Variants in NOL10 observed in about 807,000 individuals in gnomAD.
NOL10 encodes nucleolar protein 10.
In NOL10, 58 loss-of-function variants were observed where a neutral mutation model predicts 103.5. The ratio of observed to expected loss-of-function variants is 0.56; its 90% CI spans 0.45 to 0.70. The LOEUF (loss-of-function observed/expected upper bound fraction) is 0.70. Ranked by LOEUF, NOL10 falls within the 30% of genes least tolerant of loss-of-function variation. The pLI, the probability that NOL10 is intolerant of heterozygous loss-of-function variation, is 0.00. For synonymous variants in NOL10, 287 were observed against 282.5 expected (o/e 1.02, Z -0.16); for missense variants, 763 against 807.3 (o/e 0.95, Z 0.67).
intron 13 of NOL10, among the ~76,000 whole-genome samples, chr2:10,628,007 CT>C (rs1558301993): frequency 6.6e-6 from 1 of 152,058 alleles, no homozygotes; most frequent in African/African-American, 2.4e-5. Flanking sequence ...CTTTTTCCTC[CT>C]TTTAGAAGCT....
At chr2:10,649,681 T>C (rs898005285) in intron 12 of NOL10, among the ~76,000 whole-genome samples, 2 of 152,122 alleles carry the variant, frequency 1.3e-5, no homozygotes, top group Non-Finnish European at 2.9e-5. Flanking sequence ...ATTAGTAATA[T>C]GGACCAGGGG....
rs140445876 is a variant in NOL10, at chr2:10,610,319, C to G, written c.1027-3008G>C. 1.4e-4 allele frequency among the ~76,000 whole-genome samples: 22 copies of G among 152,286 alleles called. No homozygotes were observed. The East Asian group carries it at 4.2e-3, about 29-fold the overall frequency. ...TGTGAATTGACTTTCACATAGCCCTCTTTTATAATGTTCCACAACATTCTT... is the reference window on the plus strand; with the variant it reads ...TGTGAATTGACTTTCACATAGCCCTGTTTTATAATGTTCCACAACATTCTT... On this transcript the variant is annotated intron_variant, in intron 13 of 20. Transcript: ENST00000381685.
intron 13 of NOL10, among the ~76,000 whole-genome samples, chr2:10,634,033 G>A (rs1032685365): frequency 6.6e-6 from 1 of 152,038 alleles, no homozygotes; most frequent in African/African-American, 2.4e-5. Flanking sequence ...TCACTATGTT[G>A]CCCAGGCTGG....
chr2:10,624,178 CTT>C (rs764280554), intron 13 of NOL10, among the ~76,000 whole-genome samples: 6 of 140,080 alleles, frequency 4.3e-5, no homozygotes, highest in Admixed American at 7.1e-5. Flanking sequence ...TTTTTCTTTT[CTT>C]TTTTTTTTTT....
chr2:10,586,029 T>C (rs1475604898), intron 19 of NOL10, among the ~76,000 whole-genome samples: 1 of 152,052 alleles, frequency 6.6e-6, no homozygotes, highest in African/African-American at 2.4e-5. Flanking sequence ...GGGCCACACA[T>C]TATACAGTTC....
intron 13 of NOL10, among the ~76,000 whole-genome samples, 176 bp downstream of exon 13, chr2:10,644,144 A>G (rs1361902703): frequency 1.3e-5 from 2 of 152,168 alleles, no homozygotes; most frequent in African/African-American, 2.4e-5. Flanking sequence ...CAGCTACAGG[A>G]GGTTGAGGTA....
chr2:10,687,203 G>C (rs913393487), intron 1 of NOL10, among the ~76,000 whole-genome samples: 1 of 152,062 alleles, frequency 6.6e-6, no homozygotes, highest in African/African-American at 2.4e-5. Context: ...GACAAGCAGG[G>C]GTTTCCAAAT....
intron 13 of NOL10, among the ~76,000 whole-genome samples, chr2:10,608,238 A>G (rs557120149): frequency 6.6e-6 from 1 of 152,206 alleles, no homozygotes; most frequent in African/African-American, 2.4e-5. Flanking sequence ...TAAATGGGTG[A>G]CCAGGCTCCA....
At chr2:10,580,895 G>A (rs1572227547) in intron 19 of NOL10, among the ~76,000 whole-genome samples, 1 of 151,992 alleles carries the variant, frequency 6.6e-6, no homozygotes, top group African/African-American at 2.4e-5. Context: ...CTAATTAAAG[G>A]AGCCCTCACT....
intron 3 of NOL10, among the ~76,000 whole-genome samples, chr2:10,679,569 TTTTC>T (rs774321484): frequency 4.0e-5 from 6 of 150,560 alleles, no homozygotes; most frequent in Non-Finnish European, 5.9e-5. Flanking sequence ...TTTCTTTCCT[TTTTC>T]TTTCTTTCCT....
intron 10 of NOL10, among the ~76,000 whole-genome samples, chr2:10,658,483 GGAAA>G (rs1679989737): frequency 6.6e-6 from 1 of 151,950 alleles, no homozygotes; most frequent in African/African-American, 2.4e-5. Flanking sequence ...CTGCCTTGAA[GGAAA>G]GAAAGAAGTA....
intron 4 of NOL10, among the ~76,000 whole-genome samples, chr2:10,675,333 C>T (rs1177688321): frequency 6.6e-6 from 1 of 151,902 alleles, no homozygotes. Context: ...CTAGAGTGGC[C>T]CCCAGCTGAC....
chr2:10,677,839 TTGTGTGTGTG>T lies in NOL10; in HGVS notation c.212-1978_212-1969del, dbSNP rs58970211. 4.1e-5 allele frequency among the ~76,000 whole-genome samples: 6 copies of T among 146,736 alleles called. 1 individual carries two copies. Among genetic ancestry groups the T allele is most frequent in the East Asian group, 4.0e-4 (2 of 5,014 alleles). ...TCGTATGGCAATAATTTTAATACAT[TTGTGTGTGTG>T]TGTGTGTGTGTGTGTGTGTGTGTAT... On this transcript the variant is annotated intron_variant, in intron 3 of 20. Transcript: ENST00000381685.
rs570379227 is a variant in NOL10 at position 10,592,075 on chromosome 2, G to A, written c.1423-2324C>T. The stretch of plus-strand genomic sequence containing the variant: ...AGTCTGCAGCAGCCTGATGTCTGAC[G>A]GACTGCTGAGTAAGAAGTTAGCATC... On this transcript the variant is annotated intron_variant, in intron 17 of 20. Transcript: ENST00000381685. 8.1e-4 allele frequency among the ~76,000 whole-genome samples: 124 copies of A among 152,178 alleles called. 2 individuals carry two copies. The highest frequency in any genetic ancestry group is 3.4e-3 in the Middle Eastern group (1 of 294).
At chr2:10,645,081 C>CT (rs959030712) in intron 12 of NOL10, among the ~76,000 whole-genome samples, 28 of 152,300 alleles carry the variant, frequency 1.8e-4, no homozygotes, top group African/African-American at 6.5e-4. Flanking sequence ...CATCTAGGCA[C>CT]TTTCACATAT....
rs1375474805 is a variant in NOL10 at position 10,668,698 on chromosome 2, C to G, written c.490G>C (p.Glu164Gln). 6.5e-7 allele frequency: 1 copy of G among 1,542,370 alleles called. No homozygotes were observed. Among genetic ancestry groups the G allele is most frequent in the Non-Finnish European group, 8.8e-7 (1 of 1,133,644 alleles). ...ASSEVYRLNLEQGRYLNPLQT... is the reference protein window; with the variant it reads ...ASSEVYRLNLQQGRYLNPLQT... ...AGAGGATTCAGGTATCGTCCTTGTTCTAAGTTTAACCTATAAACTTCAGAA... is the reference window on the plus strand; with the variant it reads ...AGAGGATTCAGGTATCGTCCTTGTTGTAAGTTTAACCTATAAACTTCAGAA... The change falls in exon 7 of 21, where the codon GAA becomes CAA. Residue 164 changes from glutamate to glutamine, a missense_variant. Physicochemically the swap from Glu to Gln is conservative, Grantham distance 29 (BLOSUM62 2). Coordinates refer to ENST00000381685, the MANE Select transcript of NOL10 (RefSeq NM_024894.4).
chr2:10,632,673 C>T (rs959112510), intron 13 of NOL10, among the ~76,000 whole-genome samples: 6 of 152,194 alleles, frequency 3.9e-5, no homozygotes, highest in African/African-American at 1.2e-4. Context: ...CTTGCACATT[C>T]CCAATTCAAT....
intron 9 of NOL10, among the ~76,000 whole-genome samples, chr2:10,659,504 C>T (rs1680054650): frequency 1.3e-5 from 2 of 149,178 alleles, no homozygotes; most frequent in South Asian, 2.3e-4. Flanking sequence ...CAGTGAGACA[C>T]CATCTCTACA....
chr2:10,680,714 T>G (rs924312991), intron 3 of NOL10, among the ~76,000 whole-genome samples: 3 of 152,142 alleles, frequency 2.0e-5, no homozygotes, highest in African/African-American at 7.2e-5. Context: ...CAAAAGAGAC[T>G]GGCCTGTGTA....
Sources: gnomAD v4.1 joint callset for allele counts (sites outside exome capture counted in the v4.1 genomes callset) on GRCh38, gnomAD v4.1.1 for gene constraint, MANE v1.5 for transcripts, NCBI Gene and HGNC (gene_info 2026-07-23, HGNC 2026-07-21) for gene names.